Variants in MDGA2 observed in about 807,000 individuals in gnomAD.
MDGA2 encodes the protein MAM domain-containing glycosylphosphatidylinositol anchor protein 2.
In MDGA2, 40 loss-of-function variants were observed where a neutral mutation model predicts 117.8. The observed-to-expected ratio is 0.34, with a 90% CI of 0.26 to 0.44. MDGA2 has a LOEUF of 0.44. Ranked by LOEUF, MDGA2 falls within the 20% of genes least tolerant of loss-of-function variation. MDGA2 has a pLI of 1.00. For missense variants in MDGA2, 1,123 were observed against 1,250.6 expected, an observed-to-expected ratio of 0.90 and a Z score of 1.54; for synonymous variants, 452 against 439.0, an observed-to-expected ratio of 1.03 and a Z score of -0.37.
intron 1 of MDGA2, among the ~76,000 whole-genome samples, chr14:47,361,037 T>A (rs529578267): frequency 6.6e-6 from 1 of 152,198 alleles, no homozygotes; most frequent in Admixed American, 6.5e-5. Flanking sequence ...TAGTCAATCA[T>A]TGCATAATAA....
chr14:47,448,718 T>C (rs904338623), intron 1 of MDGA2, among the ~76,000 whole-genome samples: 3 of 152,164 alleles, frequency 2.0e-5, no homozygotes, highest in Admixed American at 6.5e-5. Flanking sequence ...TTCCTTATGC[T>C]GCAAATTATC....
At chr14:46,899,782 A>T (rs1883215063) in intron 10 of MDGA2, among the ~76,000 whole-genome samples, 1 of 152,124 alleles carries the variant, frequency 6.6e-6, no homozygotes, top group Non-Finnish European at 1.5e-5. Flanking sequence ...TGCAATACTA[A>T]TTGCAATAAA....
intron 2 of MDGA2, among the ~76,000 whole-genome samples, chr14:47,238,603 T>A (rs1023268865): frequency 3.3e-5 from 5 of 151,692 alleles, no homozygotes; most frequent in Admixed American, 3.3e-4. Flanking sequence ...ATTAAAATGT[T>A]TGTGTTATAA....
intron 1 of MDGA2, among the ~76,000 whole-genome samples, chr14:47,630,365 T>C (rs1897233568): frequency 6.6e-6 from 1 of 152,214 alleles, no homozygotes; most frequent in Non-Finnish European, 1.5e-5. Context: ...ATGTATGTAG[T>C]ATGTGTCTAT....
intron 3 of MDGA2, among the ~76,000 whole-genome samples, chr14:47,172,762 G>A (rs1222937651): frequency 7.2e-5 from 11 of 152,208 alleles, no homozygotes; most frequent in Admixed American, 7.2e-4. Flanking sequence ...CCAAAGGAAT[G>A]CAGTTCCTCA....
At chr14:47,058,527 T>C in intron 7 of MDGA2, 1 of 984,452 alleles carries the variant, frequency 1.0e-6, no homozygotes, top group Non-Finnish European at 1.2e-6. Flanking sequence ...AAGATTTCCT[T>C]GTATGCTATA....
At chr14:46,955,442 TAGTA>T (rs1885527858) in intron 9 of MDGA2, among the ~76,000 whole-genome samples, 1 of 152,132 alleles carries the variant, frequency 6.6e-6, no homozygotes, top group Admixed American at 6.6e-5. Flanking sequence ...AAGTATTTTT[TAGTA>T]TTATAGTTAA....
At chr14:47,054,960 T>G (rs539170750) in intron 7 of MDGA2, among the ~76,000 whole-genome samples, 1 of 150,950 alleles carries the variant, frequency 6.6e-6, no homozygotes, top group Non-Finnish European at 1.5e-5. Context: ...CCACTATTCA[T>G]AAAATATTGC....
At chr14:47,385,913 T>A (rs1048714766) in intron 1 of MDGA2, among the ~76,000 whole-genome samples, 3 of 152,114 alleles carry the variant, frequency 2.0e-5, no homozygotes, top group African/African-American at 7.2e-5. Context: ...TAAATACAAG[T>A]TGTAATTCAG....
intron 15 of MDGA2, among the ~76,000 whole-genome samples, chr14:46,849,429 A>G (rs1332029233): frequency 6.6e-6 from 1 of 151,906 alleles, no homozygotes; most frequent in Non-Finnish European, 1.5e-5. Flanking sequence ...TTTCTGAATT[A>G]CTTTAATTAA....
At chr14:47,084,284 C>A (rs1181978248) in intron 6 of MDGA2, among the ~76,000 whole-genome samples, 1 of 151,964 alleles carries the variant, frequency 6.6e-6, no homozygotes, top group Non-Finnish European at 1.5e-5. Context: ...GAACAACACT[C>A]TTCTAAATAA....
chr14:46,967,746 A>G (rs138588863), intron 8 of MDGA2, among the ~76,000 whole-genome samples: 40 of 152,288 alleles, frequency 2.6e-4, no homozygotes, highest in Admixed American at 2.6e-3. Context: ...ACTGAACACT[A>G]TATTTACTGT....
At chr14:46,854,919 A>G (rs1346986852) in intron 15 of MDGA2, 105 bp downstream of exon 15, 14 of 1,035,810 alleles carry the variant, frequency 1.4e-5, no homozygotes, top group Non-Finnish European at 1.9e-5. Context: ...TGTGATGCTT[A>G]TATCGTGGAA....
intron 1 of MDGA2, among the ~76,000 whole-genome samples, chr14:47,601,553 T>C (rs1338662637): frequency 1.3e-5 from 2 of 152,206 alleles, no homozygotes; most frequent in African/African-American, 2.4e-5. Context: ...ACAGCTCTAT[T>C]CATTTCCTTT....
chr14:47,309,601 A>G (rs962419411), intron 1 of MDGA2, among the ~76,000 whole-genome samples: 1 of 152,122 alleles, frequency 6.6e-6, no homozygotes, highest in African/African-American at 2.4e-5. Flanking sequence ...AAGGCAATTA[A>G]ATTAAATCCA....
intron 14 of MDGA2, among the ~76,000 whole-genome samples, chr14:46,858,415 TTTTTC>T (rs201670740): frequency 3.0e-5 from 4 of 133,908 alleles, no homozygotes; most frequent in African/African-American, 1.1e-4. Context: ...TTTCTTTTTC[TTTTTC>T]TTTTTTTCTT....
At position 47,615,932 on chromosome 14, in the gene MDGA2, G is replaced by A. The variant is rs555288092; in HGVS notation, c.280+58585C>T. Among the ~76,000 whole-genome samples, 11 of 152,188 alleles carry A rather than the reference G, an allele frequency of 7.2e-5. No individual in the cohort carries two copies. In the South Asian group the frequency reaches 2.1e-3, roughly 29 times the overall value. ...GCCTGAGCCCTTCAATGGGGTCTTT[G>A]GCACTAGCATGGGTGGGGCTGGAAA... On this transcript the variant is annotated intron_variant, in intron 1 of 16. Transcript: ENST00000399232.
rs1247141442 is a variant in MDGA2, at chr14:47,542,462, A to G, written c.280+132055T>C. On this transcript the variant is annotated intron_variant, in intron 1 of 16. Transcript: ENST00000399232. ...GTAAAAACCTCTGAGAAGCAATTCG[A>G]TGAATCGGTTGGTACACAATATAAG... is the stretch of plus-strand genomic sequence containing the variant. Among the ~76,000 whole-genome samples, 10 of 152,344 alleles carry G rather than the reference A, an allele frequency of 6.6e-5. No homozygotes were observed. The East Asian group carries it at 1.5e-3, about 23-fold the overall frequency.
chr14:47,309,293 T>C (rs1264843681), intron 1 of MDGA2, among the ~76,000 whole-genome samples: 2 of 152,160 alleles, frequency 1.3e-5, no homozygotes. Flanking sequence ...TGTAAACTTA[T>C]TTCTGCACTC....
Sources: allele counts gnomAD v4.1 joint callset (sites outside exome capture counted in the v4.1 genomes callset), GRCh38; gene constraint gnomAD v4.1.1; transcripts MANE v1.5; gene names NCBI Gene and HGNC (gene_info 2026-07-23, HGNC 2026-07-21).